KANSL1: variants seen among roughly 807,000 people sequenced by gnomAD.
KANSL1 encodes the protein KAT8 regulatory NSL complex subunit 1, also known as MLL1/MLL complex subunit KANSL1.
Under a neutral mutation model 103.6 loss-of-function variants are expected in KANSL1, and 22 were observed. That is an observed-to-expected ratio of 0.21 (90% CI 0.15 to 0.30). The LOEUF (loss-of-function observed/expected upper bound fraction) is 0.30. Among genes scored for constraint, KANSL1 ranks in the 10% least tolerant of loss-of-function variants. The probability of loss-of-function intolerance (pLI) is 1.00; values close to 1 mark genes in which losing one functional copy is unlikely to be tolerated. For missense variants in KANSL1, 1,337 were observed against 1,399.8 expected, an observed-to-expected ratio of 0.96 and a Z score of 0.72; for synonymous variants, 600 against 527.6, an observed-to-expected ratio of 1.14 and a Z score of -1.88.
At chr17:46,082,741 T>C (rs545527761) in intron 3 of KANSL1, among the ~76,000 whole-genome samples, 199 bp from the exon 4 acceptor site, 6 of 152,212 alleles carry the variant, frequency 3.9e-5, no homozygotes, top group African/African-American at 1.2e-4. Context: ...CAGGCTCCCC[T>C]CTCTGCCACT....
chr17:46,071,339 A>C (rs6503456), intron 4 of KANSL1, among the ~76,000 whole-genome samples: 16,506 of 152,262 alleles, frequency 0.11, 1,246 homozygotes, highest in Non-Finnish European at 0.16. Flanking sequence ...GGATCTACTT[A>C]AGATCTTGGG....
intron 3 of KANSL1, 136 bp downstream of exon 3, chr17:46,094,424 T>C (rs1375113111): frequency 1.8e-6 from 2 of 1,081,986 alleles, no homozygotes; most frequent in East Asian, 2.5e-5. Flanking sequence ...TAAACCACTA[T>C]ATCAGGTCAT....
intron 4 of KANSL1, among the ~76,000 whole-genome samples, chr17:46,078,814 A>G (rs1987152): frequency 0.14 from 21,747 of 152,220 alleles, 2,101 homozygotes; most frequent in Non-Finnish European, 0.22. Flanking sequence ...GCATGTTTCA[A>G]TACACTAGAG....
intron 6 of KANSL1, among the ~76,000 whole-genome samples, chr17:46,064,878 A>G (rs2078317407): frequency 6.6e-6 from 1 of 151,588 alleles, no homozygotes; most frequent in Admixed American, 6.6e-5. Flanking sequence ...TTTTTAATTA[A>G]TTAATTTTTT....
At chr17:46,126,592 A>C (rs1472976357) in intron 2 of KANSL1, among the ~76,000 whole-genome samples, 1 of 152,172 alleles carries the variant, frequency 6.6e-6, no homozygotes, top group East Asian at 1.9e-4. Flanking sequence ...GGGCTTTAAA[A>C]CATGAAATTT....
At chr17:46,121,540 T>A (rs900516802) in intron 2 of KANSL1, among the ~76,000 whole-genome samples, 1 of 152,236 alleles carries the variant, frequency 6.6e-6, no homozygotes, top group Non-Finnish European at 1.5e-5. Flanking sequence ...TAGGCCTTTT[T>A]CCCTGATGAC....
chr17:46,147,901 G>C (rs965170295), intron 2 of KANSL1, among the ~76,000 whole-genome samples: 1 of 152,182 alleles, frequency 6.6e-6, no homozygotes, highest in Non-Finnish European at 1.5e-5. Flanking sequence ...CTAGGTTGTT[G>C]ATGAATATAA....
chr17:46,221,388 T>A (rs1054948220), intron 1 of KANSL1: 2 of 151,624 alleles, frequency 1.3e-5, no homozygotes, highest in Admixed American at 1.3e-4. Flanking sequence ...TCCTCTCCCA[T>A]CTCACCCACT....
At chr17:46,073,952 T>C (rs1316099973) in intron 4 of KANSL1, among the ~76,000 whole-genome samples, 1 of 152,002 alleles carries the variant, frequency 6.6e-6, no homozygotes, top group African/African-American at 2.4e-5. Context: ...GAACTTACGG[T>C]TTTTTATATA....
chr17:46,209,727 C>T (rs1485553043), intron 1 of KANSL1, among the ~76,000 whole-genome samples: 6 of 152,226 alleles, frequency 3.9e-5, no homozygotes, highest in Non-Finnish European at 7.3e-5. Flanking sequence ...CTCCTGACCT[C>T]AAGTGATTCA....
intron 1 of KANSL1, among the ~76,000 whole-genome samples, chr17:46,217,247 G>T (rs1223562402): frequency 6.6e-6 from 1 of 152,134 alleles, no homozygotes; most frequent in Admixed American, 6.5e-5. Flanking sequence ...AGGCCGAGGT[G>T]GGTGGACCAC....
At chr17:46,182,647 T>C (rs1297679127) in intron 1 of KANSL1, among the ~76,000 whole-genome samples, 5 of 152,260 alleles carry the variant, frequency 3.3e-5, no homozygotes, top group African/African-American at 7.2e-5. Flanking sequence ...CGTTTTACTA[T>C]GTCAATCACT....
intron 2 of KANSL1, among the ~76,000 whole-genome samples, chr17:46,120,409 G>GCA (rs3057959): frequency 0.14 from 21,637 of 151,944 alleles, 2,105 homozygotes; most frequent in Non-Finnish European, 0.22. Flanking sequence ...AGTAAAAGCA[G>GCA]CAATTTTCTA....
chr17:46,037,658 A>C (rs1261422210), intron 10 of KANSL1: 1 of 152,260 alleles, frequency 6.6e-6, no homozygotes, highest in Non-Finnish European at 1.5e-5. Flanking sequence ...ACCAACCTAC[A>C]TCTCAAAAGG....
At chr17:46,072,945 T>C (rs528282441) in intron 4 of KANSL1, among the ~76,000 whole-genome samples, 1 of 152,354 alleles carries the variant, frequency 6.6e-6, no homozygotes, top group African/African-American at 2.4e-5. Context: ...AAAATGCATC[T>C]TAAATTCTTA....
At chr17:46,110,400 C>A (rs1000600802) in intron 2 of KANSL1, among the ~76,000 whole-genome samples, 4 of 152,306 alleles carry the variant, frequency 2.6e-5, no homozygotes, top group Admixed American at 6.5e-5. Flanking sequence ...CTCATTAAAA[C>A]CCTGTCAAGT....
At chr17:46,045,695 G>C (rs2077482032) in intron 7 of KANSL1, 1 of 152,124 alleles carries the variant, frequency 6.6e-6, no homozygotes, top group Non-Finnish European at 1.5e-5. Context: ...GTATGCGGCA[G>C]GGCAGCATTC....
At chr17:46,193,598 T>G (rs1350847489), upstream of KANSL1, 1 of 202,030 alleles carries the variant, frequency 4.9e-6, no homozygotes, top group Non-Finnish European at 1.0e-5. Context: ...CGCCGCCGCC[T>G]CAGTCATGGC....
intron 2 of KANSL1, among the ~76,000 whole-genome samples, chr17:46,133,718 C>G (rs1371665633): frequency 6.6e-6 from 1 of 152,158 alleles, no homozygotes; most frequent in Non-Finnish European, 1.5e-5. Context: ...GGAAACCTTT[C>G]AGGTAACTGA....
Sources: gnomAD v4.1 joint callset for allele counts (sites outside exome capture counted in the v4.1 genomes callset) on GRCh38, gnomAD v4.1.1 for gene constraint, MANE v1.5 for transcripts, NCBI Gene and HGNC (gene_info 2026-07-23, HGNC 2026-07-21) for gene names.